PLPP4: variants seen among roughly 807,000 people sequenced by gnomAD.
The protein encoded by PLPP4 is phospholipid phosphatase 4, also known as diacylglycerol pyrophosphate like 2.
Under a neutral mutation model 32.2 loss-of-function variants are expected in PLPP4, and 20 were observed. The observed-to-expected ratio is 0.62, with a 90% CI of 0.44 to 0.90. PLPP4 has a LOEUF of 0.90. Among genes scored for constraint, PLPP4 ranks in the 40% least tolerant of loss-of-function variants. The pLI is 0.00. For synonymous variants in PLPP4, 127 were observed against 133.0 expected (o/e 0.95, Z 0.31); for missense variants, 257 against 353.1 (o/e 0.73, Z 2.18).
chr10:120,550,294 G>A (rs1231476201), intron 5 of PLPP4, among the ~76,000 whole-genome samples: 1 of 151,826 alleles, frequency 6.6e-6, no homozygotes, highest in Non-Finnish European at 1.5e-5. Flanking sequence ...AGCTAAATAA[G>A]ACTTAAATAA....
intron 5 of PLPP4, among the ~76,000 whole-genome samples, chr10:120,546,284 T>C (rs1214346240): frequency 1.3e-5 from 2 of 152,134 alleles, no homozygotes; most frequent in African/African-American, 4.8e-5. Flanking sequence ...CACAAACTCC[T>C]TCTTGAGAAT....
intron 1 of PLPP4, among the ~76,000 whole-genome samples, chr10:120,500,699 T>C (rs1475334385): frequency 6.6e-6 from 1 of 150,862 alleles, no homozygotes; most frequent in African/African-American, 2.4e-5. Flanking sequence ...TGGGGTGGGG[T>C]TCCAGATCCT....
In PLPP4 at chr10:120,565,233, T is replaced by C. The variant is rs543862569; in HGVS notation, c.446-9898T>C. Among the ~76,000 whole-genome samples the C allele has an allele frequency of 2.0e-5, 3 of 152,236 alleles. No individual in the cohort carries two copies. The East Asian group carries it at 5.8e-4, about 29-fold the overall frequency. ...TTAACCCACAGATATGCCAGTATCTTTGCTTAGCATTCCCTCGTGTATCAG... is the reference window on the plus strand; with the variant it reads ...TTAACCCACAGATATGCCAGTATCTCTGCTTAGCATTCCCTCGTGTATCAG... On this transcript the variant is annotated intron_variant, in intron 5 of 6. Transcript: ENST00000398250.
At chr10:120,557,495 T>C (rs1186708273) in intron 5 of PLPP4, among the ~76,000 whole-genome samples, 1 of 152,198 alleles carries the variant, frequency 6.6e-6, no homozygotes, top group East Asian at 1.9e-4. Context: ...TTGGAGTTCA[T>C]TGCACTTGAA....
At chr10:120,577,300 T>C (rs1416582319) in intron 6 of PLPP4, among the ~76,000 whole-genome samples, 1 of 152,202 alleles carries the variant, frequency 6.6e-6, no homozygotes, top group Non-Finnish European at 1.5e-5. Flanking sequence ...AATTTTTCCT[T>C]TATCTTGGAG....
intron 5 of PLPP4, among the ~76,000 whole-genome samples, chr10:120,535,627 C>T (rs1846980316): frequency 6.6e-6 from 1 of 152,098 alleles, no homozygotes; most frequent in African/African-American, 2.4e-5. Context: ...TTTTGGAACT[C>T]TGTTCATAGG....
chr10:120,570,349 G>A (rs568007110), intron 5 of PLPP4, among the ~76,000 whole-genome samples: 7 of 152,086 alleles, frequency 4.6e-5, no homozygotes, highest in Admixed American at 6.5e-5. Flanking sequence ...ACTACCCAAC[G>A]TTGCCTTTCT....
At chr10:120,462,668 C>T (rs1439020164) in intron 1 of PLPP4, among the ~76,000 whole-genome samples, 17 of 152,226 alleles carry the variant, frequency 1.1e-4, no homozygotes, top group African/African-American at 4.8e-5. Flanking sequence ...AAGGGGCGGA[C>T]GGCCTGCTGA....
intron 6 of PLPP4, among the ~76,000 whole-genome samples, chr10:120,586,299 ATTTT>A (rs3067612): frequency 7.3e-6 from 1 of 137,562 alleles, no homozygotes; most frequent in East Asian, 2.2e-4. Context: ...ACACCTGGCT[ATTTT>A]TTTTTTTTTT....
intron 1 of PLPP4, 106 bp from the exon 2 acceptor site, chr10:120,503,712 C>A (rs1440660692): frequency 6.3e-7 from 1 of 1,590,672 alleles, no homozygotes; most frequent in Non-Finnish European, 8.6e-7. Flanking sequence ...CCTTCCCCAG[C>A]AGGCTGGATT....
At chr10:120,567,678 GTT>G (rs143836858) in intron 5 of PLPP4, among the ~76,000 whole-genome samples, 5,319 of 152,222 alleles carry the variant, frequency 0.035, 142 homozygotes, top group Admixed American at 0.085. Context: ...CTGTTTGTTT[GTT>G]TGTTTTTTTG....
chr10:120,584,205 C>G (rs1339445995), intron 6 of PLPP4, among the ~76,000 whole-genome samples: 1 of 152,234 alleles, frequency 6.6e-6, no homozygotes, highest in Non-Finnish European at 1.5e-5. Context: ...CCGGTTAACT[C>G]TTGCTCATCC....
rs370214986 is a variant in PLPP4 at position 120,564,345 on chromosome 10, C to A, written c.446-10786C>A. 2.2e-4 allele frequency among the ~76,000 whole-genome samples: 33 copies of A among 151,908 alleles called. 1 individual carries two copies. In the South Asian group the frequency reaches 4.2e-3, roughly 19 times the overall value. On this transcript the variant is annotated intron_variant, in intron 5 of 6. Coordinates refer to ENST00000398250, the MANE Select transcript of PLPP4 (RefSeq NM_001030059.3). ...GTCAGATAGAGATCTATACAGATAA[C>A]CAGTCCTTAGATCTTTGATTAGCTT... is the stretch of plus-strand genomic sequence containing the variant.
At chr10:120,503,562 C>T in intron 1 of PLPP4, 2 of 1,606,994 alleles carry the variant, frequency 1.2e-6, no homozygotes, top group Non-Finnish European at 1.7e-6. Flanking sequence ...TCTTTGTACA[C>T]ACAAAGCTAC....
At chr10:120,535,814 A>T (rs1389762695) in intron 5 of PLPP4, among the ~76,000 whole-genome samples, 1 of 152,150 alleles carries the variant, frequency 6.6e-6, no homozygotes, top group East Asian at 1.9e-4. Context: ...TCTTGTTCTT[A>T]ACCCTTGGTG....
intron 1 of PLPP4, among the ~76,000 whole-genome samples, chr10:120,482,907 G>C (rs1021456394): frequency 1.3e-5 from 2 of 152,126 alleles, no homozygotes; most frequent in African/African-American, 4.8e-5. Context: ...GTGAGACTCT[G>C]TATTATTCCT....
chr10:120,486,328 G>A (rs981936960), intron 1 of PLPP4, among the ~76,000 whole-genome samples: 7 of 151,062 alleles, frequency 4.6e-5, no homozygotes, highest in East Asian at 2.0e-4. Flanking sequence ...ACATGGACTC[G>A]CCCTGCCTCC....
chr10:120,477,194 T>C (rs1031316376), intron 1 of PLPP4, among the ~76,000 whole-genome samples: 1 of 142,980 alleles, frequency 7.0e-6, no homozygotes, highest in Non-Finnish European at 1.5e-5. Context: ...GTCTTCATTT[T>C]CCTCTCAAGA....
intron 5 of PLPP4, among the ~76,000 whole-genome samples, chr10:120,522,124 C>T (rs1032012346): frequency 3.3e-5 from 5 of 152,196 alleles, no homozygotes; most frequent in African/African-American, 1.2e-4. Flanking sequence ...TTGAATAGGA[C>T]AGGCTCTTCT....
Sources: gnomAD v4.1 joint callset for allele counts (sites outside exome capture counted in the v4.1 genomes callset) on GRCh38, gnomAD v4.1.1 for gene constraint, MANE v1.5 for transcripts, NCBI Gene and HGNC (gene_info 2026-07-23, HGNC 2026-07-21) for gene names.